Variants in BRD10 observed in about 807,000 individuals in gnomAD.
The protein encoded by BRD10 is bromodomain containing 10.
chr9:5,882,626 TG>T, the BRD10 span, among the ~76,000 whole-genome samples: 1 of 152,240 alleles, frequency 6.6e-6, no homozygotes, highest in Admixed American at 6.5e-5. Context: ...CCCATGTTAT[TG>T]ATCTTTGTAG....
At chr9:6,007,948 G>C in the BRD10 span, 55 of 1,312,452 alleles carry the variant, frequency 4.2e-5, no homozygotes, top group Non-Finnish European at 5.2e-5. Context: ...GCGCGCGGGG[G>C]TCTTGAGCTC....
chr9:5,907,978 T>C, the BRD10 span, among the ~76,000 whole-genome samples: 1 of 152,046 alleles, frequency 6.6e-6, no homozygotes, highest in African/African-American at 2.4e-5. Flanking sequence ...AAAATAAAAT[T>C]ACATAAGTGG....
the BRD10 span, among the ~76,000 whole-genome samples, chr9:5,988,080 T>G: frequency 6.6e-6 from 1 of 152,204 alleles, no homozygotes; most frequent in Non-Finnish European, 1.5e-5. Context: ...AATTTAAAAC[T>G]TATAATTCAC....
the BRD10 span, among the ~76,000 whole-genome samples, chr9:5,963,807 G>C: frequency 1.3e-5 from 2 of 151,962 alleles, no homozygotes; most frequent in South Asian, 4.2e-4. Flanking sequence ...AATGGGGAAA[G>C]GATTCCCCAT....
At chr9:5,975,162 G>A in the BRD10 span, among the ~76,000 whole-genome samples, 2 of 152,088 alleles carry the variant, frequency 1.3e-5, no homozygotes, top group Admixed American at 6.5e-5. Flanking sequence ...AGGGCTGGGC[G>A]TGGTGGCTCG....
At chr9:5,961,005 A>G in the BRD10 span, among the ~76,000 whole-genome samples, 1 of 152,234 alleles carries the variant, frequency 6.6e-6, no homozygotes, top group African/African-American at 2.4e-5. Flanking sequence ...GTCTTTGAAA[A>G]AGTGTTGAAA....
the BRD10 span, among the ~76,000 whole-genome samples, chr9:5,973,085 T>C: frequency 6.6e-6 from 1 of 152,158 alleles, no homozygotes; most frequent in East Asian, 1.9e-4. Context: ...AAAGTAGTAA[T>C]ACATAGGTTA....
At chr9:5,896,735 TCTTTGTGGTAA>T in the BRD10 span, among the ~76,000 whole-genome samples, 2 of 152,208 alleles carry the variant, frequency 1.3e-5, no homozygotes, top group East Asian at 3.9e-4. Flanking sequence ...GTTTCCAGGG[TCTTTGTGGTAA>T]CTTTGTGGTA....
chr9:5,973,868 C>G, the BRD10 span, among the ~76,000 whole-genome samples: 15 of 152,214 alleles, frequency 9.9e-5, no homozygotes, highest in Admixed American at 9.8e-4. Context: ...GGCAACAGAG[C>G]AAGACCCTGT....
the BRD10 span, among the ~76,000 whole-genome samples, chr9:5,939,350 C>A: frequency 2.6e-5 from 4 of 152,074 alleles, no homozygotes; most frequent in Admixed American, 2.6e-4. Flanking sequence ...TGTTATCATT[C>A]CTTACAATAT....
At chr9:5,941,370 G>C in the BRD10 span, among the ~76,000 whole-genome samples, 1 of 152,098 alleles carries the variant, frequency 6.6e-6, no homozygotes, top group Non-Finnish European at 1.5e-5. Flanking sequence ...TTCTTCTTTA[G>C]ATCATGAAAG....
At chr9:5,914,850 T>A in the BRD10 span, among the ~76,000 whole-genome samples, 1 of 152,156 alleles carries the variant, frequency 6.6e-6, no homozygotes, top group African/African-American at 2.4e-5. Flanking sequence ...TAAACCATAA[T>A]TGAATTTTGT....
chr9:5,897,790 T>C, the BRD10 span: 1 of 766,224 alleles, frequency 1.3e-6, no homozygotes, highest in African/African-American at 1.7e-5. Flanking sequence ...ATGCCTCTTT[T>C]GCTACATTGT....
chr9:5,920,527 C>A, the BRD10 span: 1 of 1,613,830 alleles, frequency 6.2e-7, no homozygotes, highest in Non-Finnish European at 8.5e-7. Context: ...CAAAATTGGA[C>A]GTATTAGTTA....
At chr9:5,968,761 C>T in the BRD10 span, 4 of 1,613,892 alleles carry the variant, frequency 2.5e-6, no homozygotes, top group Non-Finnish European at 3.4e-6. Context: ...ATTCTGGGGC[C>T]TGAAAGGGTC....
chr9:5,899,300 G>A, the BRD10 span: 2 of 152,200 alleles, frequency 1.3e-5, no homozygotes, highest in Non-Finnish European at 2.9e-5. Context: ...ATTGAAGCTT[G>A]GCAAGCTGAT....
At chr9:5,920,004 CAGG>C in the BRD10 span, 1 of 1,613,912 alleles carries the variant, frequency 6.2e-7, no homozygotes, top group Middle Eastern at 1.6e-4. Flanking sequence ...ACTGTTGGTA[CAGG>C]AGGTGGAACA....
At chr9:6,008,129 G>A in the BRD10 span, 1 of 983,666 alleles carries the variant, frequency 1.0e-6, no homozygotes, top group Non-Finnish European at 1.2e-6. Flanking sequence ...CTGCCGGGTC[G>A]CCGCGGCCTC....
At chr9:5,933,679 A>G in the BRD10 span, 1,724 of 414,980 alleles carry the variant, frequency 4.2e-3, 18 homozygotes, top group Non-Finnish European at 3.8e-3. Flanking sequence ...AATAACTTAC[A>G]AAACTACACA....
Sources: allele counts gnomAD v4.1 joint callset (sites outside exome capture counted in the v4.1 genomes callset), GRCh38; gene constraint gnomAD v4.1.1; transcripts MANE v1.5; gene names NCBI Gene and HGNC (gene_info 2026-07-23, HGNC 2026-07-21).